The following VAX1 variants were observed in gnomAD, a reference collection of about 807,000 sequenced individuals.
VAX1 encodes ventral anterior homeobox 1.
In VAX1, 6 loss-of-function variants were observed where a neutral mutation model predicts 17.6. The ratio of observed to expected loss-of-function variants is 0.34; its 90% confidence interval spans 0.19 to 0.67. VAX1 has a LOEUF of 0.67. VAX1 is among the 30% of genes least tolerant of loss of function. VAX1 has a pLI of 0.69. For synonymous variants in VAX1, 256 were observed against 227.4 expected (o/e 1.13, Z -1.13); for missense variants, 408 against 463.7 (o/e 0.88, Z 1.10).
rs1180211093 is a variant in VAX1 at position 117,134,114 on chromosome 10, G to A, written c.899C>T (p.Ala300Val). 6.5e-7 allele frequency: 1 copy of A among 1,536,718 alleles called. No individual in the cohort carries two copies. Among genetic ancestry groups the A allele is most frequent in the African/African-American group, 1.4e-5 (1 of 71,842 alleles). ...GGCGGAGAGTTCTTGCAAATTCCCA[G>A]CTAGCGAACCAGCCATTGTTAACGG... ...SAPLTMAGSL[A>V]GNLQELSARY... The change falls in exon 3 of 3, where the codon GCT becomes GTT. Residue 300 changes from alanine (A) to valine (V), a missense_variant. This residue lies in a region of VAX1 where 196 missense variants were observed against 218.7 expected (regional missense o/e 0.90). Coordinates refer to ENST00000369206, the MANE Select transcript of VAX1 (RefSeq NM_001112704.2). The surrounding 1 kb of genome is among the most constrained non-coding windows in gnomAD (Gnocchi z 6.2).
downstream of VAX1, chr10:117,132,343 A>G: frequency 6.2e-7 from 1 of 1,611,202 alleles, no homozygotes; most frequent in Non-Finnish European, 8.5e-7. This position sits in a 1 kb window ranked among gnomAD's most constrained non-coding sequence, Gnocchi z 4.9. Context: ...TTATCATCAT[A>G]GATATATATA....
intron 2 of VAX1, among the ~76,000 whole-genome samples, chr10:117,135,567 G>A (rs1854163687): frequency 1.3e-5 from 2 of 152,212 alleles, no homozygotes; most frequent in South Asian, 4.1e-4. Flanking sequence ...TATCTGTTCT[G>A]TCAGTCCTCA....
downstream of VAX1, chr10:117,132,189 A>AC (rs1854094257): frequency 6.2e-7 from 1 of 1,602,194 alleles, no homozygotes. The surrounding 1 kb of genome is among the most constrained non-coding windows in gnomAD (Gnocchi z 4.9). Flanking sequence ...CGCTCACGGT[A>AC]CCAGTCGCAG....
chr10:117,130,571 G>C (rs1369419518), downstream of VAX1: 1 of 152,180 alleles, frequency 6.6e-6, no homozygotes, highest in African/African-American at 2.4e-5. Context: ...TGGCATAGAG[G>C]GTACCTGCCT....
rs1854146177 is a variant in VAX1 at position 117,134,618 on chromosome 10, G to A, written c.430-35C>T. On this transcript the variant is annotated intron_variant, in intron 2 of 2. Transcript: ENST00000369206. This position sits in a 1 kb window ranked among gnomAD's most constrained non-coding sequence, Gnocchi z 6.2. ...GGGGTGCGGGGAGAGTTGGAGAGAGGGGCAGGGAAGACCAGCGTCAAAGGA... is the reference window on the plus strand; with the variant it reads ...GGGGTGCGGGGAGAGTTGGAGAGAGAGGCAGGGAAGACCAGCGTCAAAGGA... 5 of 1,480,018 alleles carry A rather than the reference G, an allele frequency of 3.4e-6. No homozygotes were observed. The highest frequency in any genetic ancestry group is 1.8e-4 in the Middle Eastern group (1 of 5,698). The allele number at this position is 1,480,018 out of a possible 1,614,324, so 91.7% of individuals were successfully genotyped here.
downstream of VAX1, chr10:117,131,039 C>T (rs776483848): frequency 6.6e-6 from 1 of 152,592 alleles, no homozygotes; most frequent in African/African-American, 2.4e-5. Flanking sequence ...CCACCTTCTC[C>T]CTTCCTTCTC....
chr10:117,133,691 C>CT lies in VAX1; in HGVS notation c.*316dup. 1 of 1,085,558 alleles carries CT rather than the reference C, an allele frequency of 9.2e-7. No homozygotes were observed. Among genetic ancestry groups the CT allele is most frequent in the South Asian group, 3.4e-5 (1 of 29,654 alleles). The allele number at this position is 1,085,558 out of a possible 1,614,324, so 67.2% of individuals were successfully genotyped here. A position where few individuals can be genotyped will look rare whatever the true frequency, so the allele number is the denominator to read the frequency against. On this transcript the variant is annotated 3_prime_UTR_variant, in exon 3 of 3. Transcript: ENST00000369206. ...CCTGTGCTTTGGAGTTAGAACCAGTCTTTTCCCTCCTGGGCTGGGCACGGG... is the reference window on the plus strand; with the variant it reads ...CCTGTGCTTTGGAGTTAGAACCAGTCTTTTTCCCTCCTGGGCTGGGCACGGG...
rs1854224325 is a variant in VAX1, at chr10:117,138,127, AGG to A, written c.-73_-72del. 2 of 630,570 alleles carry A rather than the reference AGG, an allele frequency of 3.2e-6. No individual in the cohort carries two copies. Among genetic ancestry groups the A allele is most frequent in the South Asian group, 1.7e-5 (1 of 58,958 alleles). The allele number at this position is 630,570 out of a possible 1,614,324, so 39.1% of individuals were successfully genotyped here. A position where few individuals can be genotyped will look rare whatever the true frequency, so the allele number is the denominator to read the frequency against. On this transcript the variant is annotated 5_prime_UTR_variant, in exon 1 of 3. Coordinates refer to ENST00000369206, the MANE Select transcript of VAX1 (RefSeq NM_001112704.2). The stretch of plus-strand genomic sequence containing the variant: ...AAAAAAAAAGGGGGGGGGGCGGAGA[AGG>A]AAAAAAAAAAGAGGAAAAAGGGGAC...
At chr10:117,132,229 T>C (rs1303930431), downstream of VAX1, 1 of 1,613,918 alleles carries the variant, frequency 6.2e-7, no homozygotes, top group African/African-American at 1.3e-5. The surrounding 1 kb of genome is among the most constrained non-coding windows in gnomAD (Gnocchi z 4.9). Context: ...TGCCACCCTC[T>C]GCCCCCGGAG....
rs1299419431 is a variant in VAX1 at position 117,134,401 on chromosome 10, A to G, written c.612T>C (p.Ala204=). 1 of 1,472,124 alleles carries G rather than the reference A, an allele frequency of 6.8e-7. No individual in the cohort carries two copies. Among genetic ancestry groups the G allele is most frequent in the South Asian group, 1.3e-5 (1 of 77,130 alleles). The allele number at this position is 1,472,124 out of a possible 1,614,324, so 91.2% of individuals were successfully genotyped here. Residue 204 remains alanine (A), a synonymous_variant, in exon 3 of 3, where the codon GCT becomes GCC. Transcript: ENST00000369206. The surrounding 1 kb of genome is among the most constrained non-coding windows in gnomAD (Gnocchi z 6.2). ...PALLPPCATG[A]LGSALRGPSL... is the part of the protein sequence containing the mutation. ...TGGGCCCGCGCAGCGCTGAGCCGAG[A>G]GCGCCCGTGGCGCAAGGCGGCAGCA...
chr10:117,131,859 A>G (rs1349641149), downstream of VAX1: 1 of 251,982 alleles, frequency 4.0e-6, no homozygotes, highest in Admixed American at 5.2e-5. Context: ...CTTATATTCT[A>G]AGTCAGAAGA....
At chr10:117,132,177 G>C, downstream of VAX1, 1 of 1,590,550 alleles carries the variant, frequency 6.3e-7, no homozygotes. The surrounding 1 kb of genome is among the most constrained non-coding windows in gnomAD (Gnocchi z 4.9). Flanking sequence ...CCTCATCCCA[G>C]GCGCTCACGG....
At position 117,133,620 on chromosome 10, in the gene VAX1, T is replaced by TCGGCAGCGG; in HGVS notation, c.*379_*387dup. 2 of 992,820 alleles carry TCGGCAGCGG rather than the reference T, an allele frequency of 2.0e-6. No individual in the cohort carries two copies. The highest frequency in any genetic ancestry group is 2.4e-6 in the Non-Finnish European group (2 of 835,090). The allele number at this position is 992,820 out of a possible 1,614,324, so 61.5% of individuals were successfully genotyped here. Reference sequence around the variant, plus strand: ...CTCTTTCAAATATTCCTAGGAATAGTCGGCAGCGGCAGCAGCCGCAGCAGC... The same window carrying TCGGCAGCGG: ...CTCTTTCAAATATTCCTAGGAATAGTCGGCAGCGGCGGCAGCGGCAGCAGCCGCAGCAGC... On this transcript the variant is annotated 3_prime_UTR_variant, in exon 3 of 3. Coordinates refer to ENST00000369206, the MANE Select transcript of VAX1 (RefSeq NM_001112704.2).
chr10:117,134,338 C>A lies in VAX1; in HGVS notation c.675G>T (p.Ser225=), dbSNP rs1301499368. ...PALGAGAAAG[S]AAAAAAAAPG... is the part of the protein sequence containing the mutation. ...GGGCGGCGGCGGCGGCTGCGGCGGC[C>A]GAGCCTGCAGCGGCGCCCGCGCCCA... Residue 225 remains serine, a synonymous_variant, in exon 3 of 3, where the codon TCG becomes TCT. Coordinates refer to ENST00000369206, the MANE Select transcript of VAX1 (RefSeq NM_001112704.2). This position sits in a 1 kb window ranked among gnomAD's most constrained non-coding sequence, Gnocchi z 6.2. The A allele has an allele frequency of 3.3e-5, 35 of 1,059,842 alleles. No homozygotes were observed. In the East Asian group the frequency reaches 2.2e-3, roughly 66 times the overall value. 65.7% of individuals were successfully genotyped at this position (1,059,842 alleles called of 1,614,324 possible).
chr10:117,132,627 G>T, downstream of VAX1: 1 of 950,316 alleles, frequency 1.1e-6, no homozygotes, highest in Non-Finnish European at 1.5e-6. This position sits in a 1 kb window ranked among gnomAD's most constrained non-coding sequence, Gnocchi z 4.9. Flanking sequence ...CTGGGTCTGT[G>T]ATTTTGGTTA....
chr10:117,132,130 C>A (rs1432641503), downstream of VAX1: 1 of 1,403,814 alleles, frequency 7.1e-7, no homozygotes, highest in South Asian at 1.3e-5. This position sits in a 1 kb window ranked among gnomAD's most constrained non-coding sequence, Gnocchi z 4.9. Context: ...CGTAGCCAGG[C>A]GTCTCTGCCT....
downstream of VAX1, chr10:117,131,977 A>C: frequency 2.0e-6 from 1 of 493,282 alleles, no homozygotes; most frequent in Non-Finnish European, 3.5e-6. Context: ...GGAGGCAGAG[A>C]CTTTATAGTG....
rs941435480 is a variant in VAX1 at position 117,136,717 on chromosome 10, C to T, written c.242-58G>A. ...CTCCCGTCCCCCTCCACCTCCTTGGCCCGAGCTGGATTTGGGGACACAGTC... is the reference window on the plus strand; with the variant it reads ...CTCCCGTCCCCCTCCACCTCCTTGGTCCGAGCTGGATTTGGGGACACAGTC... On this transcript the variant is annotated intron_variant, in intron 1 of 2. Transcript: ENST00000369206. This position sits in a 1 kb window ranked among gnomAD's most constrained non-coding sequence, Gnocchi z 5.0. 5 of 1,554,752 alleles carry T rather than the reference C, an allele frequency of 3.2e-6. No homozygotes were observed. In the African/African-American group the frequency reaches 4.1e-5, roughly 13 times the overall value.
rs1252208403 is a variant in VAX1, at chr10:117,137,296, T to A, written c.241+520A>T. Among the ~76,000 whole-genome samples the A allele has an allele frequency of 8.6e-5, 13 of 151,966 alleles. No individual in the cohort carries two copies. On this transcript the variant is annotated intron_variant, in intron 1 of 2. Transcript: ENST00000369206. The surrounding 1 kb of genome is among the most constrained non-coding windows in gnomAD (Gnocchi z 7.4). ...CCGCGGCTCCGTAACCAAGCCCAGC[T>A]GCCTCTCCCGGCGGCAGCGGTCGGG... is the stretch of plus-strand genomic sequence containing the variant.
Sources: allele counts gnomAD v4.1 joint callset (sites outside exome capture counted in the v4.1 genomes callset), GRCh38; gene constraint gnomAD v4.1.1; regional missense constraint gnomAD v4.1.1; non-coding constraint Gnocchi (gnomAD v3.1); transcripts MANE v1.5; gene names NCBI Gene and HGNC (gene_info 2026-07-23, HGNC 2026-07-21).